Variants in CTDSPL2 observed in about 807,000 individuals in gnomAD.
CTDSPL2 encodes the protein CTD small phosphatase-like protein 2.
In CTDSPL2, 5 loss-of-function variants were observed where a neutral mutation model predicts 60.0. The observed-to-expected ratio is 0.08, with a 90% CI of 0.04 to 0.18. The LOEUF is 0.18. Ranked by LOEUF, CTDSPL2 falls within the 10% of genes least tolerant of loss-of-function variation. The probability of loss-of-function intolerance (pLI) is 1.00; values close to 1 mark genes in which losing one functional copy is unlikely to be tolerated. For synonymous variants in CTDSPL2, 186 were observed against 189.3 expected (o/e 0.98, Z 0.14); for missense variants, 370 against 548.8 (o/e 0.67, Z 3.26).
In CTDSPL2 at chr15:44,516,302, A is replaced by G. The variant is rs371445733; in HGVS notation, c.1112+1458A>G. 6.6e-5 allele frequency among the ~76,000 whole-genome samples: 10 copies of G among 152,084 alleles called. No homozygotes were observed. In the East Asian group the frequency reaches 9.7e-4, roughly 15 times the overall value. On this transcript the variant is annotated intron_variant, in intron 10 of 12. Transcript: ENST00000260327. ...ATAAATTTTCTTAAATACTTTTCCC[A>G]TGTTGTCTTACTGGAAAATCCTAAA...
At chr15:44,523,633 T>C (rs1447910663) in intron 12 of CTDSPL2, among the ~76,000 whole-genome samples, 4 of 152,042 alleles carry the variant, frequency 2.6e-5, no homozygotes, top group South Asian at 2.1e-4. Flanking sequence ...CATTTATAAA[T>C]AAACAAACAA....
At chr15:44,434,747 A>G (rs1318388508) in intron 1 of CTDSPL2, among the ~76,000 whole-genome samples, 4 of 152,212 alleles carry the variant, frequency 2.6e-5, no homozygotes, top group Non-Finnish European at 4.4e-5. Flanking sequence ...ACTTTAAGTC[A>G]GAGAAAACCC....
Position 44,450,610 on chromosome 15 carries a change from T to G in CTDSPL2, c.-24-8381T>G, listed in dbSNP as rs2080314873. 4.1e-5 allele frequency among the ~76,000 whole-genome samples: 6 copies of G among 146,374 alleles called. No individual in the cohort carries two copies. In the South Asian group the frequency reaches 1.1e-3, roughly 27 times the overall value. On this transcript the variant is annotated intron_variant, in intron 1 of 12. Coordinates refer to ENST00000260327, the MANE Select transcript of CTDSPL2 (RefSeq NM_016396.3). ...CTTAATTTTTTTTTTTTTTTTTTTT[T>G]TTTTGAGACTGAGTCTCACTTTGTC...
intron 7 of CTDSPL2, among the ~76,000 whole-genome samples, chr15:44,497,824 C>G (rs1349421312): frequency 2.6e-5 from 4 of 152,098 alleles, no homozygotes; most frequent in Non-Finnish European, 5.9e-5. Context: ...TGGCAAAACC[C>G]ATTCTCTACT....
chr15:44,489,069 C>T (rs1481977783), intron 4 of CTDSPL2, among the ~76,000 whole-genome samples: 2 of 152,008 alleles, frequency 1.3e-5, no homozygotes, highest in Non-Finnish European at 2.9e-5. Flanking sequence ...GTGTGTGTCT[C>T]TGTCTCTCTC....
chr15:44,499,817 AT>A lies in CTDSPL2; in HGVS notation c.969+6del, dbSNP rs1567095518. 1.9e-6 allele frequency: 3 copies of A among 1,585,472 alleles called. No individual in the cohort carries two copies. Among genetic ancestry groups the A allele is most frequent in the Non-Finnish European group, 2.6e-6 (3 of 1,158,950 alleles). Reference sequence around the variant, plus strand: ...TTTCCAAGATGTCATTTATCAGGTAATTAAAATTTTTTTGATGATTTTTGGC... The same window carrying A: ...TTTCCAAGATGTCATTTATCAGGTAATAAAATTTTTTTGATGATTTTTGGC... On this transcript the variant is annotated splice_donor_5th_base_variant and intron_variant, in intron 8 of 12. Coordinates refer to ENST00000260327, the MANE Select transcript of CTDSPL2 (RefSeq NM_016396.3).
chr15:44,484,163 T>G, intron 2 of CTDSPL2, 61 bp from the exon 3 acceptor site: 1 of 1,434,192 alleles, frequency 7.0e-7, no homozygotes, highest in South Asian at 1.3e-5. Context: ...CATTTTAATA[T>G]TGTAACCTGT....
At position 44,484,306 on chromosome 15, in the gene CTDSPL2, G is replaced by A; in HGVS notation, c.269G>A (p.Gly90Glu). 1 of 1,613,760 alleles carries A rather than the reference G, an allele frequency of 6.2e-7. No individual in the cohort carries two copies. Among genetic ancestry groups the A allele is most frequent in the Non-Finnish European group, 8.5e-7 (1 of 1,179,756 alleles). Residue 90 changes from glycine (G) to glutamate (E), a missense_variant, in exon 3 of 13, where the codon GGA (glycine) becomes GAA (glutamate). Physicochemically the swap from Gly to Glu is moderately conservative, Grantham distance 98. Around this residue, in one of 6 missense-constraint regions of CTDSPL2, gnomAD observed 287 missense variants for 296.1 expected, o/e 0.97. Coordinates refer to ENST00000260327, the MANE Select transcript of CTDSPL2 (RefSeq NM_016396.3). ...TTGATCACGTCAACACCAAGAGCAGGAGAAAAACCTAACAAACAGATATCT... is the reference window on the plus strand; with the variant it reads ...TTGATCACGTCAACACCAAGAGCAGAAGAAAAACCTAACAAACAGATATCT... ...NNLITSTPRA[G>E]EKPNKQISRV...
At chr15:44,451,403 C>G (rs1490533617) in intron 1 of CTDSPL2, among the ~76,000 whole-genome samples, 1 of 152,144 alleles carries the variant, frequency 6.6e-6, no homozygotes, top group Admixed American at 6.5e-5. Flanking sequence ...AGCCACCACG[C>G]TCAGCCTAAA....
At chr15:44,496,312 C>A in intron 5 of CTDSPL2, 68 bp from the exon 6 acceptor site, 2 of 1,044,574 alleles carry the variant, frequency 1.9e-6, no homozygotes, top group Non-Finnish European at 2.9e-6. Context: ...TAGATAGAAG[C>A]AGTAAAAATA....
intron 7 of CTDSPL2, among the ~76,000 whole-genome samples, chr15:44,497,888 T>C (rs969028317): frequency 2.0e-5 from 3 of 152,024 alleles, no homozygotes; most frequent in African/African-American, 2.4e-5. Flanking sequence ...TCTCAGCTAC[T>C]CTGGAGGCTG....
At chr15:44,467,866 T>TG (rs2080727793) in intron 2 of CTDSPL2, among the ~76,000 whole-genome samples, 1 of 152,210 alleles carries the variant, frequency 6.6e-6, no homozygotes, top group Non-Finnish European at 1.5e-5. Context: ...TGAGCCACTG[T>TG]GGCAGGCCCC....
chr15:44,454,771 G>C (rs2140678948), intron 1 of CTDSPL2, among the ~76,000 whole-genome samples: 1 of 152,202 alleles, frequency 6.6e-6, no homozygotes, highest in Middle Eastern at 3.4e-3. Flanking sequence ...GCTCTGTTCA[G>C]TCCCATTGGT....
chr15:44,472,977 T>C (rs1412369303), intron 2 of CTDSPL2, among the ~76,000 whole-genome samples: 2 of 152,108 alleles, frequency 1.3e-5, no homozygotes, highest in African/African-American at 4.8e-5. Context: ...TTGTATTTTT[T>C]GTAGAGACAG....
chr15:44,489,492 T>C (rs1341055264), intron 4 of CTDSPL2, among the ~76,000 whole-genome samples: 2 of 152,128 alleles, frequency 1.3e-5, no homozygotes, highest in African/African-American at 2.4e-5. Flanking sequence ...ATGAGATATA[T>C]AATTTGAGGG....
At chr15:44,488,665 T>A (rs570233772) in intron 4 of CTDSPL2, among the ~76,000 whole-genome samples, 75 of 151,772 alleles carry the variant, frequency 4.9e-4, no homozygotes, top group Non-Finnish European at 1.5e-4. Flanking sequence ...TACAAAAAAA[T>A]TTAGCTGGGC....
At position 44,513,583 on chromosome 15, in the gene CTDSPL2, T is replaced by A. The variant is rs191208967; in HGVS notation, c.970-1015T>A. Among the ~76,000 whole-genome samples, 12 of 152,354 alleles carry A rather than the reference T, an allele frequency of 7.9e-5. No homozygotes were observed. The East Asian group carries it at 2.3e-3, about 29-fold the overall frequency. On this transcript the variant is annotated intron_variant, in intron 8 of 12. Transcript: ENST00000260327. ...ATGGGGGCATTTTTGTGTGCATGTA[T>A]ATGGATGCCAGAATTGAAACTCCAC...
At chr15:44,446,560 G>A (rs1183165408) in intron 1 of CTDSPL2, among the ~76,000 whole-genome samples, 2 of 151,960 alleles carry the variant, frequency 1.3e-5, no homozygotes, top group African/African-American at 4.8e-5. Context: ...AACCTGGGAG[G>A]TAGAGGTTGC....
intron 1 of CTDSPL2, chr15:44,448,773 A>G (rs1375262327): frequency 2.8e-6 from 1 of 352,526 alleles, no homozygotes; most frequent in African/African-American, 2.3e-5. Context: ...TTCCAATACC[A>G]CCAAGGCCAT....
Sources: gnomAD v4.1 joint callset for allele counts (sites outside exome capture counted in the v4.1 genomes callset) on GRCh38, gnomAD v4.1.1 for gene constraint, gnomAD v4.1.1 regional missense constraint, MANE v1.5 for transcripts, NCBI Gene and HGNC (gene_info 2026-07-23, HGNC 2026-07-21) for gene names.